SNTG1: variants seen among roughly 807,000 people sequenced by gnomAD.
SNTG1 encodes syntrophin gamma 1.
SNTG1 carries 39 observed loss-of-function variants against 74.7 expected under a neutral mutation model. The ratio of observed to expected loss-of-function variants is 0.52; its 90% CI spans 0.40 to 0.68. SNTG1 has a LOEUF of 0.68. SNTG1 is among the 30% of genes least tolerant of loss of function. The pLI is 0.00. For synonymous variants in SNTG1, 254 were observed against 217.1 expected (o/e 1.17, Z -1.49); for missense variants, 685 against 609.5 (o/e 1.12, Z -1.30).
chr8:50,063,150 T>C (rs1022259733), intron 1 of SNTG1, among the ~76,000 whole-genome samples: 1 of 152,270 alleles, frequency 6.6e-6, no homozygotes, highest in East Asian at 1.9e-4. Flanking sequence ...TATTCAAGTC[T>C]GGAGTTCTTG....
chr8:50,128,665 AT>A, intron 1 of SNTG1, among the ~76,000 whole-genome samples: 1 of 152,234 alleles, frequency 6.6e-6, no homozygotes, highest in Middle Eastern at 3.4e-3. Flanking sequence ...CCACTTTAGA[AT>A]AAAAAAAAAT....
chr8:50,159,079 TG>T (rs2082336950), intron 1 of SNTG1, among the ~76,000 whole-genome samples: 1 of 152,192 alleles, frequency 6.6e-6, no homozygotes, highest in South Asian at 2.1e-4. Flanking sequence ...TGCTTTTTGA[TG>T]ACCGGCCGTT....
chr8:50,783,860 G>A (rs1678781553), intron 18 of SNTG1, among the ~76,000 whole-genome samples: 1 of 152,164 alleles, frequency 6.6e-6, no homozygotes, highest in South Asian at 2.1e-4. Flanking sequence ...TTCAGTTTGA[G>A]TTTTCACTGG....
At chr8:50,513,816 C>T (rs2094108016) in intron 9 of SNTG1, among the ~76,000 whole-genome samples, 1 of 152,192 alleles carries the variant, frequency 6.6e-6, no homozygotes, top group Non-Finnish European at 1.5e-5. Flanking sequence ...TATCTGTCAC[C>T]CCTTTCTTTG....
chr8:50,339,411 A>G (rs2091251779), intron 2 of SNTG1, among the ~76,000 whole-genome samples: 1 of 151,998 alleles, frequency 6.6e-6, no homozygotes, highest in African/African-American at 2.4e-5. Context: ...AATTTAGCTA[A>G]CAGCTCTTCT....
Position 50,009,717 on chromosome 8 carries a change from G to A in SNTG1, c.-103+97486G>A, listed in dbSNP as rs148509160. 7.7e-4 allele frequency among the ~76,000 whole-genome samples: 117 copies of A among 152,264 alleles called. 1 individual carries two copies. Among genetic ancestry groups the A allele is most frequent in the African/African-American group, 2.7e-3 (111 of 41,560 alleles). On this transcript the variant is annotated intron_variant, in intron 1 of 18. Transcript: ENST00000642720. ...TTAGTCAAATAATAGTATGTACAAG[G>A]CTGCCTGTGGTGGCTCACGCCTATA...
intron 1 of SNTG1, among the ~76,000 whole-genome samples, chr8:50,019,804 A>G: frequency 6.6e-6 from 1 of 152,096 alleles, no homozygotes; most frequent in East Asian, 1.9e-4. Context: ...TAGTGTTTGC[A>G]TAGCTGTTGT....
intron 2 of SNTG1, among the ~76,000 whole-genome samples, chr8:50,319,937 C>T (rs2090462075): frequency 6.6e-6 from 1 of 152,164 alleles, no homozygotes; most frequent in Non-Finnish European, 1.5e-5. Context: ...AGGATATTTG[C>T]ATCAATATTC....
At chr8:50,527,710 A>G (rs1302076922) in intron 9 of SNTG1, among the ~76,000 whole-genome samples, 8 of 152,014 alleles carry the variant, frequency 5.3e-5, no homozygotes, top group Non-Finnish European at 1.2e-4. Context: ...GCTATTCTAC[A>G]TCTATTGTAT....
rs1202309374 is a variant in SNTG1 at position 50,151,573 on chromosome 8, T to C, written c.-102-20988T>C. Among the ~76,000 whole-genome samples, 6 of 152,324 alleles carry C rather than the reference T, an allele frequency of 3.9e-5. No homozygotes were observed. The East Asian group carries it at 7.7e-4, about 20-fold the overall frequency. On this transcript the variant is annotated intron_variant, in intron 1 of 18. Transcript: ENST00000642720. The stretch of plus-strand genomic sequence containing the variant: ...GTGCTGTAAATTTCCCTCTACATAC[T>C]GGTTTAAATGTGTCCCAGAGATTCT...
intron 9 of SNTG1, among the ~76,000 whole-genome samples, chr8:50,504,606 A>T (rs569348847): frequency 2.0e-5 from 3 of 152,086 alleles, no homozygotes; most frequent in Non-Finnish European, 1.5e-5. Context: ...AACTTGAACA[A>T]CATGGCAAAA....
chr8:50,771,962 G>A (rs555675487), intron 18 of SNTG1, among the ~76,000 whole-genome samples: 1 of 152,210 alleles, frequency 6.6e-6, no homozygotes, highest in South Asian at 2.1e-4. Flanking sequence ...TATTGACTGA[G>A]ATTTCAAAGG....
intron 8 of SNTG1, among the ~76,000 whole-genome samples, chr8:50,475,639 A>G (rs573991822): frequency 4.1e-4 from 62 of 152,286 alleles, no homozygotes; most frequent in Non-Finnish European, 1.9e-4. Context: ...CAATGGTGAC[A>G]ATAATGCTGT....
intron 18 of SNTG1, among the ~76,000 whole-genome samples, chr8:50,777,222 T>A (rs921657094): frequency 8.4e-6 from 1 of 119,140 alleles, no homozygotes; most frequent in Non-Finnish European, 1.5e-5. Context: ...GAATAGCATA[T>A]ATATATATAT....
At chr8:49,932,116 C>T (rs554012675) in intron 1 of SNTG1, among the ~76,000 whole-genome samples, 3 of 152,240 alleles carry the variant, frequency 2.0e-5, no homozygotes, top group African/African-American at 7.2e-5. Flanking sequence ...TTTCATGAAG[C>T]TTCAAATCCC....
chr8:49,918,918 G>A (rs1249643868), intron 1 of SNTG1, among the ~76,000 whole-genome samples: 1 of 152,114 alleles, frequency 6.6e-6, no homozygotes, highest in Admixed American at 6.6e-5. Flanking sequence ...AAATATATTT[G>A]CAAAAGAGAA....
chr8:49,990,907 A>G (rs933744466), intron 1 of SNTG1, among the ~76,000 whole-genome samples: 1 of 152,190 alleles, frequency 6.6e-6, no homozygotes, highest in Non-Finnish European at 1.5e-5. Context: ...GATATGGCCA[A>G]TAAGCTTGAG....
At chr8:50,021,798 A>T (rs186371266) in intron 1 of SNTG1, among the ~76,000 whole-genome samples, 1 of 148,706 alleles carries the variant, frequency 6.7e-6, no homozygotes, top group African/African-American at 2.4e-5. Flanking sequence ...AAAATTAGCC[A>T]GGCATGGTGG....
chr8:50,513,756 C>T (rs527919323), intron 9 of SNTG1, among the ~76,000 whole-genome samples: 39 of 152,344 alleles, frequency 2.6e-4, no homozygotes, highest in African/African-American at 7.5e-4. Context: ...TTGCTAAGAC[C>T]GTTGGAAAAG....
Sources: gnomAD v4.1 joint callset for allele counts (sites outside exome capture counted in the v4.1 genomes callset) on GRCh38, gnomAD v4.1.1 for gene constraint, MANE v1.5 for transcripts, NCBI Gene and HGNC (gene_info 2026-07-23, HGNC 2026-07-21) for gene names.